Variants in TMEM132C observed in about 807,000 individuals in gnomAD.
TMEM132C encodes the protein protein phosphatase 1, regulatory subunit 152.
TMEM132C carries 29 observed loss-of-function variants against 61.4 expected under a neutral mutation model. The observed-to-expected ratio is 0.47, with a 90% confidence interval of 0.35 to 0.64. TMEM132C has a LOEUF of 0.64. Ranked by LOEUF, TMEM132C falls within the 30% of genes least tolerant of loss-of-function variation. The probability of loss-of-function intolerance (pLI) is 0.00; values close to 1 mark genes in which losing one functional copy is unlikely to be tolerated. For missense variants in TMEM132C, 1,408 were observed against 1,476.9 expected (o/e 0.95, Z 0.76); for synonymous variants, 656 against 633.1 (o/e 1.04, Z -0.54).
At chr12:128,373,748 A>G (rs576150259) in intron 1 of TMEM132C, among the ~76,000 whole-genome samples, 1 of 152,348 alleles carries the variant, frequency 6.6e-6, no homozygotes, top group East Asian at 1.9e-4. Flanking sequence ...CACTCAGCAG[A>G]TAGAGGCATG....
At chr12:128,318,526 A>G (rs566608972) in intron 1 of TMEM132C, among the ~76,000 whole-genome samples, 1 of 152,356 alleles carries the variant, frequency 6.6e-6, no homozygotes, top group East Asian at 1.9e-4. Flanking sequence ...TGACATCACT[A>G]CAGCTTCAAG....
chr12:128,624,469 G>A (rs1227948579), intron 4 of TMEM132C, among the ~76,000 whole-genome samples: 8 of 151,304 alleles, frequency 5.3e-5, no homozygotes, highest in African/African-American at 1.2e-4. Context: ...GCTTGAACTC[G>A]GGTGGCAGAG....
intron 2 of TMEM132C, among the ~76,000 whole-genome samples, chr12:128,421,440 A>G (rs1277238550): frequency 6.6e-6 from 1 of 152,190 alleles, no homozygotes; most frequent in Non-Finnish European, 1.5e-5. Flanking sequence ...GGAGACCTTG[A>G]ATGATGTCTC....
At chr12:128,518,051 G>A (rs1000159142) in intron 2 of TMEM132C, among the ~76,000 whole-genome samples, 4 of 152,186 alleles carry the variant, frequency 2.6e-5, no homozygotes, top group Non-Finnish European at 5.9e-5. Context: ...TCACCCTTAG[G>A]GGAAAGCATG....
intron 3 of TMEM132C, among the ~76,000 whole-genome samples, chr12:128,590,320 G>A (rs368660388): frequency 6.6e-6 from 1 of 152,242 alleles, no homozygotes; most frequent in African/African-American, 2.4e-5. Context: ...GAGCTTAACA[G>A]AGATGTATAC....
chr12:128,376,962 T>G (rs1042491248), intron 1 of TMEM132C, among the ~76,000 whole-genome samples: 1 of 152,174 alleles, frequency 6.6e-6, no homozygotes, highest in African/African-American at 2.4e-5. Context: ...TCCATCTCTC[T>G]GATGCTGGAG....
At chr12:128,337,082 A>G (rs1331166731) in intron 1 of TMEM132C, among the ~76,000 whole-genome samples, 1 of 152,222 alleles carries the variant, frequency 6.6e-6, no homozygotes, top group Admixed American at 6.5e-5. Context: ...AACAAGAGAA[A>G]TAAGCCACAG....
chr12:128,324,662 C>G (rs745927658), intron 1 of TMEM132C, among the ~76,000 whole-genome samples: 11 of 152,122 alleles, frequency 7.2e-5, no homozygotes, highest in Non-Finnish European at 1.5e-5. Context: ...AAGCTCAAGA[C>G]CAGCCAGGGC....
intron 3 of TMEM132C, among the ~76,000 whole-genome samples, chr12:128,554,056 A>AT (rs1394237976): frequency 6.6e-6 from 1 of 152,250 alleles, no homozygotes; most frequent in African/African-American, 2.4e-5. Context: ...TGTCCACGTG[A>AT]TTCAACCTTA....
At chr12:128,482,195 T>C (rs983327164) in intron 2 of TMEM132C, among the ~76,000 whole-genome samples, 1 of 152,162 alleles carries the variant, frequency 6.6e-6, no homozygotes, top group African/African-American at 2.4e-5. Flanking sequence ...ATGGATTACG[T>C]TTATTGATTT....
intron 1 of TMEM132C, among the ~76,000 whole-genome samples, chr12:128,295,624 C>A (rs1370513715): frequency 3.3e-5 from 4 of 119,972 alleles, no homozygotes; most frequent in South Asian, 3.4e-4. Context: ...TACTGATGTG[C>A]CTTTTAAGTC....
chr12:128,368,712 G>C (rs1307133822), intron 1 of TMEM132C, among the ~76,000 whole-genome samples: 1 of 152,206 alleles, frequency 6.6e-6, no homozygotes, highest in Non-Finnish European at 1.5e-5. Flanking sequence ...ATGAAATACA[G>C]AGCATGTTTT....
intron 4 of TMEM132C, among the ~76,000 whole-genome samples, chr12:128,668,930 A>G (rs1400797661): frequency 6.6e-6 from 1 of 152,194 alleles, no homozygotes; most frequent in Non-Finnish European, 1.5e-5. Context: ...TAATTCTTCC[A>G]TCTTAAGATC....
intron 2 of TMEM132C, among the ~76,000 whole-genome samples, chr12:128,486,075 C>T (rs943701863): frequency 6.6e-6 from 1 of 152,122 alleles, no homozygotes; most frequent in African/African-American, 2.4e-5. Context: ...AGAAATGTGA[C>T]AATGCAATAA....
chr12:128,429,583 T>C (rs563872873), intron 2 of TMEM132C, among the ~76,000 whole-genome samples: 2 of 152,292 alleles, frequency 1.3e-5, no homozygotes, highest in South Asian at 4.1e-4. Context: ...CTGCAGGTCA[T>C]GTGTTGACCA....
chr12:128,531,184 A>T (rs530730598), intron 2 of TMEM132C, among the ~76,000 whole-genome samples: 1 of 152,340 alleles, frequency 6.6e-6, no homozygotes, highest in East Asian at 1.9e-4. Context: ...AAAAAGAAAT[A>T]ATAGAGTTAG....
At chr12:128,695,551 A>G (rs1954753825) in intron 6 of TMEM132C, among the ~76,000 whole-genome samples, 1 of 152,226 alleles carries the variant, frequency 6.6e-6, no homozygotes, top group African/African-American at 2.4e-5. Context: ...TCATTAATTA[A>G]TAAAAATTAA....
intron 1 of TMEM132C, among the ~76,000 whole-genome samples, chr12:128,305,408 C>A (rs1871735642): frequency 6.6e-6 from 1 of 152,044 alleles, no homozygotes; most frequent in Non-Finnish European, 1.5e-5. Context: ...CTGTTTCCCC[C>A]AAATTGCTCA....
At chr12:128,361,924 C>T (rs1291916021) in intron 1 of TMEM132C, among the ~76,000 whole-genome samples, 6 of 152,058 alleles carry the variant, frequency 3.9e-5, no homozygotes, top group Non-Finnish European at 8.8e-5. Context: ...TTTCAGCAGG[C>T]GTAAAGCTTG....
Sources: allele counts gnomAD v4.1 joint callset (sites outside exome capture counted in the v4.1 genomes callset), GRCh38; gene constraint gnomAD v4.1.1; transcripts MANE v1.5; gene names NCBI Gene and HGNC (gene_info 2026-07-23, HGNC 2026-07-21).